NCAPH: variants seen among roughly 807,000 people sequenced by gnomAD.
NCAPH encodes non-SMC condensin I complex subunit H.
NCAPH carries 38 observed loss-of-function variants against 85.5 expected under a neutral mutation model. That is an observed-to-expected ratio of 0.44 (90% CI 0.34 to 0.58). The LOEUF (loss-of-function observed/expected upper bound fraction) is 0.58, where lower values mean the gene tolerates loss of function less well. Ranked by LOEUF, NCAPH falls within the 20% of genes least tolerant of loss-of-function variation. The pLI is 0.01. For missense variants in NCAPH, 789 were observed against 916.6 expected (o/e 0.86, Z 1.80); for synonymous variants, 301 against 335.1 (o/e 0.90, Z 1.11).
chr2:96,367,835 A>T (rs1676829245), intron 15 of NCAPH, among the ~76,000 whole-genome samples: 2 of 152,252 alleles, frequency 1.3e-5, no homozygotes, highest in Admixed American at 1.3e-4. Flanking sequence ...ACTTTAAAAC[A>T]GCAGCAGTTT....
At chr2:96,353,946 C>T (rs986874570) in intron 8 of NCAPH, among the ~76,000 whole-genome samples, 1 of 152,132 alleles carries the variant, frequency 6.6e-6, no homozygotes, top group Non-Finnish European at 1.5e-5. Context: ...TCATGTTTTA[C>T]AAAATGTGCC....
chr2:96,372,386 G>C (rs2064785758), intron 17 of NCAPH, among the ~76,000 whole-genome samples: 1 of 151,832 alleles, frequency 6.6e-6, no homozygotes, highest in African/African-American at 2.4e-5. Flanking sequence ...GGGGCAGTTG[G>C]GGGTGCCTGG....
rs967786242 is a variant in NCAPH, at chr2:96,347,928, AG to A, written c.720+3703del. ...TCACTGAGAATGAGGCCTAAGAGGG[AG>A]GGGAGAGGCGAGAGCAGCTGGCTCT... is the stretch of plus-strand genomic sequence containing the variant. On this transcript the variant is annotated intron_variant, in intron 6 of 17. Transcript: ENST00000240423. Among the ~76,000 whole-genome samples the A allele has an allele frequency of 3.3e-5, 5 of 151,846 alleles. 1 individual carries two copies. Among genetic ancestry groups the A allele is most frequent in the Admixed American group, 3.3e-4 (5 of 15,248 alleles).
intron 12 of NCAPH, among the ~76,000 whole-genome samples, chr2:96,363,628 A>G (rs1046839995): frequency 2.0e-5 from 3 of 152,164 alleles, no homozygotes; most frequent in African/African-American, 7.2e-5. Context: ...GGTCTAAGGA[A>G]GGACCTGCAA....
chr2:96,343,083 T>G (rs1254868249), intron 4 of NCAPH, 83 bp from the exon 5 acceptor site: 1 of 1,556,810 alleles, frequency 6.4e-7, no homozygotes, highest in African/African-American at 1.4e-5. Context: ...CAAGTAAATA[T>G]TTTGTGAAGC....
chr2:96,351,142 G>C (rs1374940484), intron 6 of NCAPH, among the ~76,000 whole-genome samples: 1 of 152,152 alleles, frequency 6.6e-6, no homozygotes. Flanking sequence ...CTGTTCAGAG[G>C]AACAATAGAG....
At position 96,365,806 on chromosome 2, in the gene NCAPH, GT is replaced by G. The variant is rs2064689615; in HGVS notation, c.1699-69del. Reference sequence around the variant, plus strand: ...TCTCTTCTTGCTTTGTAAACATGGAGTCTATTTCAAGGGTGTTTCTGAGCTC... The same window carrying G: ...TCTCTTCTTGCTTTGTAAACATGGAGCTATTTCAAGGGTGTTTCTGAGCTC... On this transcript the variant is annotated intron_variant, in intron 13 of 17. Transcript: ENST00000240423. The G allele has an allele frequency of 2.7e-6, 4 of 1,472,312 alleles. No individual in the cohort carries two copies. The Admixed American group carries it at 5.1e-5, about 19-fold the overall frequency. The allele number at this position is 1,472,312 out of a possible 1,614,324, so 91.2% of individuals were successfully genotyped here.
Position 96,373,363 on chromosome 2 carries a change from A to G in NCAPH, c.*12A>G. ...GGCAAGGAGATTGAGTTCACTATGG[A>G]GAAGTCAGCAGCAGGAGGCCCATCC... On this transcript the variant is annotated 3_prime_UTR_variant, in exon 18 of 18. Transcript: ENST00000240423. The G allele has an allele frequency of 1.9e-6, 3 of 1,611,712 alleles. No homozygotes were observed. The highest frequency in any genetic ancestry group is 2.5e-6 in the Non-Finnish European group (3 of 1,178,078).
intron 1 of NCAPH, among the ~76,000 whole-genome samples, chr2:96,339,537 G>A (rs62153906): frequency 0.26 from 38,707 of 150,050 alleles, 5,978 homozygotes; most frequent in South Asian, 0.66. Context: ...GTTGCAATGA[G>A]CTGAGATCCC....
rs533384695 is a variant in NCAPH, at chr2:96,374,647, G to T, written c.*1296G>T. Among the ~76,000 whole-genome samples, 1 of 152,294 alleles carries T rather than the reference G, an allele frequency of 6.6e-6. No individual in the cohort carries two copies. The highest frequency in any genetic ancestry group is 2.1e-4 in the South Asian group (1 of 4,822). ...CACAGGAATATGCTTTCCAAATTGT[G>T]TCCAAAACATTACCTGCTCTGTTAT... On this transcript the variant is annotated 3_prime_UTR_variant, in exon 18 of 18. Coordinates refer to ENST00000240423, the MANE Select transcript of NCAPH (RefSeq NM_015341.5).
chr2:96,336,599 G>T (rs2064217632), intron 1 of NCAPH, among the ~76,000 whole-genome samples: 1 of 152,222 alleles, frequency 6.6e-6, no homozygotes, highest in African/African-American at 2.4e-5. Context: ...TTGGGTAAGA[G>T]ATTTGGAAAT....
chr2:96,353,065 C>T (rs1441564563), intron 7 of NCAPH, among the ~76,000 whole-genome samples: 3 of 152,284 alleles, frequency 2.0e-5, no homozygotes, highest in South Asian at 2.1e-4. Context: ...CTAATTTGTG[C>T]GATGACAGTG....
At chr2:96,355,038 G>A (rs1226090388) in intron 9 of NCAPH, among the ~76,000 whole-genome samples, 1 of 152,164 alleles carries the variant, frequency 6.6e-6, no homozygotes, top group Non-Finnish European at 1.5e-5. Context: ...GCAGACTGGG[G>A]ACGAGCAAGG....
In NCAPH at chr2:96,359,124, T is replaced by C. The variant is rs1484966957; in HGVS notation, c.1288T>C (p.Tyr430His). ...LLSMKPGEYS[Y>H]FSPRTMSMWA... ...GTCTATGAAACCTGGAGAATATTCT[T>C]ATTTCAGTCCTCGGACCATGTCGAT... The change falls in exon 10 of 18, where the codon TAT (tyrosine) becomes CAT (histidine). Residue 430 changes from tyrosine to histidine, a missense_variant. Transcript: ENST00000240423. 1 of 1,614,218 alleles carries C rather than the reference T, an allele frequency of 6.2e-7. No individual in the cohort carries two copies. The highest frequency in any genetic ancestry group is 1.1e-5 in the South Asian group (1 of 91,082).
chr2:96,343,845 T>C (rs1016789468), intron 5 of NCAPH, among the ~76,000 whole-genome samples: 1 of 151,912 alleles, frequency 6.6e-6, no homozygotes, highest in Non-Finnish European at 1.5e-5. Flanking sequence ...GGACTACAGG[T>C]GTGCATCTCC....
In NCAPH at chr2:96,365,999, GC is replaced by G; in HGVS notation, c.1825del (p.Gln609LysfsTer3). On this transcript the variant is annotated frameshift_variant, in exon 14 of 18. Transcript: ENST00000240423. LOFTEE classifies it high-confidence loss of function. ...ACAACAGAATGGTGACACTCCAGAA[GC>G]CCAAGGATTAGACATCACAACATAT... ...TAQQNGDTPEAQGLDITTYGE... is the reference protein window; with the variant it reads ...TAQQNGDTPEXQGLDITTYGE... 2 of 1,614,200 alleles carry G rather than the reference GC, an allele frequency of 1.2e-6. No homozygotes were observed. The highest frequency in any genetic ancestry group is 8.5e-7 in the Non-Finnish European group (1 of 1,180,028).
At chr2:96,365,548 T>C (rs1053960631) in intron 13 of NCAPH, among the ~76,000 whole-genome samples, 1 of 152,178 alleles carries the variant, frequency 6.6e-6, no homozygotes, top group Admixed American at 6.5e-5. Context: ...TATGTTCAGG[T>C]CATATCTCCG....
chr2:96,354,444 TTC>T, intron 9 of NCAPH, 56 bp downstream of exon 9: 4 of 1,329,882 alleles, frequency 3.0e-6, no homozygotes, highest in Non-Finnish European at 2.9e-6. Context: ...TGGTTCTTTT[TTC>T]TTTTTCTTTT....
intron 8 of NCAPH, 51 bp from the exon 9 acceptor site, chr2:96,354,132 T>C (rs1370699494): frequency 1.3e-6 from 2 of 1,548,348 alleles, no homozygotes; most frequent in Non-Finnish European, 8.9e-7. Context: ...CAGTGGTGAT[T>C]TGGGGTGGTT....
Sources: gnomAD v4.1 joint callset for allele counts (sites outside exome capture counted in the v4.1 genomes callset) on GRCh38, gnomAD v4.1.1 for gene constraint, MANE v1.5 for transcripts, NCBI Gene and HGNC (gene_info 2026-07-23, HGNC 2026-07-21) for gene names.